Variants in NSMCE2 observed in about 807,000 individuals in gnomAD.
The protein encoded by NSMCE2 is NSE2 SUMO ligase component of SMC5/6 complex.
A neutral mutation model predicts 23.8 loss-of-function variants in NSMCE2; 24 were observed. That is an observed-to-expected ratio of 1.01 (90% CI 0.73 to 1.42). The LOEUF (loss-of-function observed/expected upper bound fraction) is 1.42. NSMCE2 is among the 40% of genes most tolerant of loss of function. The pLI is 0.00. For synonymous variants in NSMCE2, 92 were observed against 94.1 expected (o/e 0.98, Z 0.13); for missense variants, 284 against 296.5 (o/e 0.96, Z 0.31).
intron 5 of NSMCE2, among the ~76,000 whole-genome samples, chr8:125,236,383 TATG>T (rs1825552994): frequency 6.6e-6 from 1 of 152,166 alleles, no homozygotes; most frequent in Non-Finnish European, 1.5e-5. Context: ...ATATATATCA[TATG>T]ATCCCATACA....
chr8:125,326,902 G>C (rs1829685260), intron 5 of NSMCE2, among the ~76,000 whole-genome samples: 2 of 150,948 alleles, frequency 1.3e-5, no homozygotes, highest in Non-Finnish European at 2.9e-5. Flanking sequence ...GTTGCAGTGA[G>C]CTGAGATCTC....
At chr8:125,225,122 T>C (rs1052536760) in intron 5 of NSMCE2, among the ~76,000 whole-genome samples, 1 of 152,220 alleles carries the variant, frequency 6.6e-6, no homozygotes, top group African/African-American at 2.4e-5. Context: ...TTTCTTAGGC[T>C]ATATGTGCTA....
intron 5 of NSMCE2, among the ~76,000 whole-genome samples, chr8:125,322,319 C>G (rs1436693038): frequency 6.6e-6 from 1 of 152,144 alleles, no homozygotes; most frequent in African/African-American, 2.4e-5. Flanking sequence ...AGTGAGTTAT[C>G]ATTGTGCCAC....
rs116988112 is a variant in NSMCE2 at position 125,149,111 on chromosome 8, G to A, written c.158-2060G>A. Among the ~76,000 whole-genome samples, 858 of 152,060 alleles carry A rather than the reference G, an allele frequency of 5.6e-3. 16 individuals carry two copies. The highest frequency in any genetic ancestry group is 0.033 in the Admixed American group (501 of 15,286). ...GAGTATGACCTGAGCCTTTTCTCACGCACCATTTTGTTAAACATATATTTA... is the reference window on the plus strand; with the variant it reads ...GAGTATGACCTGAGCCTTTTCTCACACACCATTTTGTTAAACATATATTTA... On this transcript the variant is annotated intron_variant, in intron 3 of 7. Coordinates refer to ENST00000287437, the MANE Select transcript of NSMCE2 (RefSeq NM_173685.4).
intron 3 of NSMCE2, among the ~76,000 whole-genome samples, chr8:125,143,297 T>C (rs1405373229): frequency 6.6e-6 from 1 of 152,198 alleles, no homozygotes; most frequent in Non-Finnish European, 1.5e-5. Flanking sequence ...CTTTACAAAA[T>C]ATAGAAAAAT....
chr8:125,257,686 AC>A (rs1826502376), intron 5 of NSMCE2, among the ~76,000 whole-genome samples: 1 of 151,944 alleles, frequency 6.6e-6, no homozygotes, highest in African/African-American at 2.4e-5. Context: ...GGCGCTCACC[AC>A]CATGCCTGTC....
intron 5 of NSMCE2, among the ~76,000 whole-genome samples, chr8:125,346,944 G>A (rs1401994439): frequency 2.0e-5 from 3 of 152,174 alleles, no homozygotes; most frequent in Non-Finnish European, 4.4e-5. Context: ...TAAAATGTCA[G>A]CTCATTTGGA....
intron 5 of NSMCE2, among the ~76,000 whole-genome samples, chr8:125,190,624 G>T (rs1017261582): frequency 6.6e-6 from 1 of 152,164 alleles, no homozygotes; most frequent in African/African-American, 2.4e-5. Context: ...GAGTTATTTT[G>T]TAGTGAGAAA....
At chr8:125,342,415 T>G (rs1586797013) in intron 5 of NSMCE2, among the ~76,000 whole-genome samples, 1 of 152,166 alleles carries the variant, frequency 6.6e-6, no homozygotes, top group Non-Finnish European at 1.5e-5. Flanking sequence ...TCACAAGAGC[T>G]GTGTCCTAAG....
intron 5 of NSMCE2, among the ~76,000 whole-genome samples, chr8:125,265,043 A>G (rs1209286073): frequency 6.6e-6 from 1 of 152,082 alleles, no homozygotes; most frequent in East Asian, 1.9e-4. Flanking sequence ...ATCAAGTAAT[A>G]TTTTATGTAG....
At position 125,318,778 on chromosome 8, in the gene NSMCE2, C is replaced by T. The variant is rs1829310316; in HGVS notation, c.419-38441C>T. Among the ~76,000 whole-genome samples, 4 of 152,142 alleles carry T rather than the reference C, an allele frequency of 2.6e-5. No individual in the cohort carries two copies. The South Asian group carries it at 8.3e-4, about 32-fold the overall frequency. On this transcript the variant is annotated intron_variant, in intron 5 of 7. Coordinates refer to ENST00000287437, the MANE Select transcript of NSMCE2 (RefSeq NM_173685.4). ...AAGACAGGAAACAAAGGAAATGGGT[C>T]CCATGCTTGTTCCAGCTTACTATTG...
intron 5 of NSMCE2, among the ~76,000 whole-genome samples, chr8:125,237,501 G>A (rs1310325009): frequency 6.6e-6 from 1 of 152,156 alleles, no homozygotes; most frequent in African/African-American, 2.4e-5. Flanking sequence ...TGTGGCACTG[G>A]AATCCTACAT....
intron 5 of NSMCE2, among the ~76,000 whole-genome samples, chr8:125,249,287 C>T (rs925585174): frequency 6.6e-6 from 1 of 152,114 alleles, no homozygotes; most frequent in African/African-American, 2.4e-5. Context: ...AAACAGGTTC[C>T]TTAAGATGAA....
chr8:125,331,684 C>T (rs547879351), intron 5 of NSMCE2, among the ~76,000 whole-genome samples: 2 of 152,112 alleles, frequency 1.3e-5, no homozygotes, highest in South Asian at 4.2e-4. Flanking sequence ...AAAATCAGAC[C>T]ACATTGTTAG....
At chr8:125,247,370 A>G (rs1826027793) in intron 5 of NSMCE2, among the ~76,000 whole-genome samples, 1 of 152,142 alleles carries the variant, frequency 6.6e-6, no homozygotes, top group Non-Finnish European at 1.5e-5. Flanking sequence ...CTAAAACCAC[A>G]TATAGGAAAT....
At chr8:125,132,789 C>T (rs139235996) in intron 3 of NSMCE2, among the ~76,000 whole-genome samples, 23 of 152,300 alleles carry the variant, frequency 1.5e-4, no homozygotes, top group African/African-American at 5.3e-4. Context: ...GCCACCCACA[C>T]CCAGCCCAAT....
chr8:125,156,116 TA>T (rs202236536), intron 4 of NSMCE2: 7,396 of 247,982 alleles, frequency 0.03, 6 homozygotes, highest in South Asian at 0.051. Flanking sequence ...TCCATCTCTT[TA>T]AAAAAAAAAA....
chr8:125,318,128 G>A (rs990439234), intron 5 of NSMCE2, among the ~76,000 whole-genome samples: 1 of 152,156 alleles, frequency 6.6e-6, no homozygotes, highest in Non-Finnish European at 1.5e-5. Context: ...ATAAAATAGG[G>A]CCGGGTATAG....
At chr8:125,304,788 C>T (rs1360324104) in intron 5 of NSMCE2, among the ~76,000 whole-genome samples, 1 of 150,702 alleles carries the variant, frequency 6.6e-6, no homozygotes, top group African/African-American at 2.4e-5. Context: ...TGATTCTCAT[C>T]AAGCGATGAG....
Sources: allele counts gnomAD v4.1 joint callset (sites outside exome capture counted in the v4.1 genomes callset), GRCh38; gene constraint gnomAD v4.1.1; transcripts MANE v1.5; gene names NCBI Gene and HGNC (gene_info 2026-07-23, HGNC 2026-07-21).